Variants in ZGRF1 observed in about 807,000 individuals in gnomAD.
ZGRF1 encodes 5'-3' DNA helicase ZGRF1.
Under a neutral mutation model 203.5 loss-of-function variants are expected in ZGRF1, and 196 were observed. The ratio of observed to expected loss-of-function variants is 0.96; its 90% CI spans 0.86 to 1.08. The LOEUF is 1.08. Ranked by LOEUF, ZGRF1 falls within the 50% of genes least tolerant of loss-of-function variation. The pLI is 0.00. For missense variants in ZGRF1, 2,326 were observed against 2,416.3 expected, an observed-to-expected ratio of 0.96 and a Z score of 0.78; for synonymous variants, 809 against 841.3, an observed-to-expected ratio of 0.96 and a Z score of 0.66.
intron 24 of ZGRF1, among the ~76,000 whole-genome samples, chr4:112,545,552 T>C (rs1340909128): frequency 1.3e-5 from 2 of 152,166 alleles, no homozygotes; most frequent in African/African-American, 4.8e-5. Context: ...ATGACGCCGC[T>C]GCTATAGAAA....
chr4:112,545,151 C>T lies in ZGRF1; in HGVS notation c.5598+2134G>A, dbSNP rs951995356. On this transcript the variant is annotated intron_variant, in intron 24 of 27. Transcript: ENST00000505019. ...AAAAAATAGGTAAACTGAACTTCAT[C>T]GAAATTAAGAACTTTTGTGCATCAA... is the stretch of plus-strand genomic sequence containing the variant. Among the ~76,000 whole-genome samples, 3 of 151,160 alleles carry T rather than the reference C, an allele frequency of 2.0e-5. No individual in the cohort carries two copies. In the South Asian group the frequency reaches 6.3e-4, roughly 32 times the overall value.
chr4:112,632,140 A>T, intron 2 of ZGRF1, 130 bp from the exon 3 acceptor site: 2 of 387,182 alleles, frequency 5.2e-6, no homozygotes, highest in Non-Finnish European at 9.0e-6. Context: ...ATACACCCAT[A>T]TCAATTTTTT....
intron 10 of ZGRF1, among the ~76,000 whole-genome samples, chr4:112,594,484 G>A (rs1292390547): frequency 2.7e-5 from 4 of 146,718 alleles, no homozygotes; most frequent in African/African-American, 5.0e-5. Flanking sequence ...ACAGACACTC[G>A]CTCTGTCACC....
At chr4:112,544,454 C>T (rs924241747) in intron 24 of ZGRF1, among the ~76,000 whole-genome samples, 2 of 152,068 alleles carry the variant, frequency 1.3e-5, no homozygotes, top group African/African-American at 2.4e-5. Context: ...ATGATGGCAA[C>T]GGTTCCTAAG....
chr4:112,559,260 G>A (rs865774869), intron 19 of ZGRF1, among the ~76,000 whole-genome samples: 19 of 151,946 alleles, frequency 1.3e-4, no homozygotes, highest in Non-Finnish European at 1.8e-4. Context: ...GTGCAGTGGC[G>A]CAATCGTGAC....
intron 16 of ZGRF1, among the ~76,000 whole-genome samples, chr4:112,573,558 T>C (rs965442512): frequency 1.3e-5 from 2 of 152,010 alleles, no homozygotes; most frequent in African/African-American, 4.8e-5. Context: ...TTATGGAAAT[T>C]AATAATAAAG....
chr4:112,551,172 A>G (rs1739883699), intron 22 of ZGRF1, among the ~76,000 whole-genome samples: 1 of 152,186 alleles, frequency 6.6e-6, no homozygotes, highest in Non-Finnish European at 1.5e-5. Flanking sequence ...CCACCATGTT[A>G]CAATTAAATG....
intron 10 of ZGRF1, among the ~76,000 whole-genome samples, chr4:112,601,718 C>CA (rs1245092396): frequency 6.6e-6 from 1 of 151,494 alleles, no homozygotes; most frequent in Non-Finnish European, 1.5e-5. Flanking sequence ...GCCTGGGTGA[C>CA]AGAGTTAAGA....
chr4:112,628,487 A>T (rs974744647), intron 3 of ZGRF1: 2 of 433,320 alleles, frequency 4.6e-6, no homozygotes, highest in Admixed American at 5.0e-5. Context: ...TTGATGACTT[A>T]TTCAGTGGAA....
chr4:112,624,579 T>A (rs1578483883), intron 3 of ZGRF1, among the ~76,000 whole-genome samples: 1 of 152,060 alleles, frequency 6.6e-6, no homozygotes, highest in East Asian at 1.9e-4. Context: ...AGGAGATGAT[T>A]AGCACTTAAG....
chr4:112,600,071 C>T (rs758068434), intron 10 of ZGRF1, among the ~76,000 whole-genome samples: 1 of 152,072 alleles, frequency 6.6e-6, no homozygotes. Context: ...CAGGATCTCA[C>T]TCTGTCACCC....
At chr4:112,605,866 T>C (rs547678306) in intron 9 of ZGRF1, 142 bp downstream of exon 9, 2 of 637,014 alleles carry the variant, frequency 3.1e-6, no homozygotes, top group Non-Finnish European at 5.5e-6. Flanking sequence ...ATAGTTTTTC[T>C]TGTTCTTAAA....
intron 8 of ZGRF1, among the ~76,000 whole-genome samples, 169 bp downstream of exon 8, chr4:112,609,210 C>T (rs1751221124): frequency 1.3e-5 from 2 of 151,820 alleles, no homozygotes; most frequent in Admixed American, 6.6e-5. Flanking sequence ...CCTGCCACCA[C>T]GCCCAGCTAA....
Position 112,540,951 on chromosome 4 carries a change from T to C in ZGRF1, c.5780A>G (p.Glu1927Gly). ...FYNVKGLEQI[E>G]RDNSFHNVAE... Reference sequence around the variant, plus strand: ...CACATTATGAAAGCTGTTATCTCTTTCTATCTGGAGTAAGAAATAGATCCT... The same window carrying C: ...CACATTATGAAAGCTGTTATCTCTTCCTATCTGGAGTAAGAAATAGATCCT... The change falls in exon 26 of 28, where the codon GAA becomes GGA. Residue 1927 changes from glutamate (E) to glycine (G), a missense_variant. Glu to Gly is a moderately conservative substitution (Grantham distance 98). Transcript: ENST00000505019. 2.6e-6 allele frequency: 4 copies of C among 1,567,716 alleles called. No homozygotes were observed. Among genetic ancestry groups the C allele is most frequent in the Middle Eastern group, 1.7e-4 (1 of 6,000 alleles).
At position 112,577,943 on chromosome 4, in the gene ZGRF1, A is replaced by G. The variant is rs1745529461; in HGVS notation, c.4438+3720T>C. Among the ~76,000 whole-genome samples the G allele has an allele frequency of 1.6e-5, 2 of 122,822 alleles. 1 individual carries two copies. Among genetic ancestry groups the G allele is most frequent in the African/African-American group, 5.7e-5 (2 of 35,296 alleles). 80.6% of individuals were successfully genotyped at this position (122,822 alleles called of 152,430 possible). ...CACAAAGCGGACCTAATAGATATCTACACAACTCTCCACCCCAAATCAACA... is the reference window on the plus strand; with the variant it reads ...CACAAAGCGGACCTAATAGATATCTGCACAACTCTCCACCCCAAATCAACA... On this transcript the variant is annotated intron_variant, in intron 16 of 27. Transcript: ENST00000505019.
intron 10 of ZGRF1, among the ~76,000 whole-genome samples, chr4:112,601,887 T>A (rs890481046): frequency 1.3e-5 from 2 of 152,046 alleles, no homozygotes; most frequent in Admixed American, 6.6e-5. Flanking sequence ...GAAAATTTTT[T>A]AAAAGATAAG....
At chr4:112,553,706 A>C in intron 22 of ZGRF1, 129 bp downstream of exon 22, 1 of 741,810 alleles carries the variant, frequency 1.3e-6, no homozygotes, top group Non-Finnish European at 2.1e-6. Flanking sequence ...ACATGCATGC[A>C]CCTTAGTAGA....
At chr4:112,560,212 G>A (rs1430436669) in intron 19 of ZGRF1, among the ~76,000 whole-genome samples, 4 of 152,134 alleles carry the variant, frequency 2.6e-5, no homozygotes, top group East Asian at 1.9e-4. Flanking sequence ...GAAGTAAATC[G>A]CCTTCACTGT....
At position 112,618,256 on chromosome 4, in the gene ZGRF1, T is replaced by G. The variant is rs778985302; in HGVS notation, c.1786A>C (p.Ser596Arg). ...GEHLPFLTSV[S>R]DKPTVTFPVK... The stretch of plus-strand genomic sequence containing the variant: ...GGAAATGTCACTGTAGGTTTGTCAC[T>G]AACAGATGTTAAGAATGGCAAATGT... Residue 596 changes from serine to arginine, a missense_variant, in exon 6 of 28, where the codon AGT (serine) becomes CGT (arginine). Coordinates refer to ENST00000505019, the MANE Select transcript of ZGRF1 (RefSeq NM_018392.5). The G allele has an allele frequency of 6.2e-7, 1 of 1,613,878 alleles. No individual in the cohort carries two copies. Among genetic ancestry groups the G allele is most frequent in the Non-Finnish European group, 8.5e-7 (1 of 1,179,822 alleles).
Sources: gnomAD v4.1 joint callset for allele counts (sites outside exome capture counted in the v4.1 genomes callset) on GRCh38, gnomAD v4.1.1 for gene constraint, MANE v1.5 for transcripts, NCBI Gene and HGNC (gene_info 2026-07-23, HGNC 2026-07-21) for gene names.